FNIP1: variants seen among roughly 807,000 people sequenced by gnomAD.
The protein encoded by FNIP1 is folliculin-interacting protein 1.
In FNIP1, 40 loss-of-function variants were observed where a neutral mutation model predicts 124.5. The ratio of observed to expected loss-of-function variants is 0.32; its 90% CI spans 0.25 to 0.42. FNIP1 has a LOEUF of 0.42. FNIP1 is among the 10% of genes least tolerant of loss of function. The probability of loss-of-function intolerance (pLI) is 1.00; values close to 1 mark genes in which losing one functional copy is unlikely to be tolerated. For missense variants in FNIP1, 1,176 were observed against 1,403.7 expected, an observed-to-expected ratio of 0.84 and a Z score of 2.59; for synonymous variants, 472 against 470.6, an observed-to-expected ratio of 1.00 and a Z score of -0.04.
intron 2 of FNIP1, among the ~76,000 whole-genome samples, chr5:131,735,860 T>A (rs1208919692): frequency 6.6e-6 from 1 of 151,648 alleles, no homozygotes; most frequent in East Asian, 1.9e-4. Context: ...ATAATACATA[T>A]TATATATAAT....
intron 11 of FNIP1, among the ~76,000 whole-genome samples, chr5:131,697,941 C>T (rs1768759888): frequency 6.9e-6 from 1 of 144,998 alleles, no homozygotes; most frequent in Non-Finnish European, 1.5e-5. Context: ...TGCACTCCAG[C>T]CTGGGTGACA....
chr5:131,703,962 T>C (rs773832446), intron 10 of FNIP1, 103 bp downstream of exon 10: 2 of 986,402 alleles, frequency 2.0e-6, no homozygotes, highest in Non-Finnish European at 1.5e-6. Flanking sequence ...ATAGGACACA[T>C]GCACAACGTC....
intron 3 of FNIP1, among the ~76,000 whole-genome samples, chr5:131,729,376 C>T (rs979547568): frequency 6.6e-6 from 1 of 152,206 alleles, no homozygotes; most frequent in South Asian, 2.1e-4. Context: ...TTCAGAGATG[C>T]CCTGCCCAGA....
intron 13 of FNIP1, among the ~76,000 whole-genome samples, chr5:131,676,010 C>T (rs954119659): frequency 5.3e-5 from 8 of 151,904 alleles, no homozygotes; most frequent in Admixed American, 2.0e-4. Flanking sequence ...AGGCGCCTGC[C>T]ACCACGCCCA....
rs140502129 is a variant in FNIP1 at position 131,706,501 on chromosome 5, G to A, written c.824C>T (p.Ser275Phe). The change falls in exon 9 of 18, where the codon TCC becomes TTC. Residue 275 changes from serine to phenylalanine, a missense_variant. By Grantham distance (155) the Ser-to-Phe change is radical. Around this residue, in one of 2 missense-constraint regions of FNIP1, gnomAD observed 1,109 missense variants for 1,288.5 expected, o/e 0.86. Transcript: ENST00000510461. ...GCTGGCACAACTTCGGGTAAGTGAG[G>A]AGTTTGGGGAAGGAAATGGAGTGAT... ...LLITPFPSPN[S>F]SLTRSCASSY... The A allele has an allele frequency of 6.2e-6, 10 of 1,613,380 alleles. No individual in the cohort carries two copies. The highest frequency in any genetic ancestry group is 7.6e-6 in the Non-Finnish European group (9 of 1,179,612).
chr5:131,708,610 C>T (rs1448451027), intron 8 of FNIP1, among the ~76,000 whole-genome samples: 2 of 152,134 alleles, frequency 1.3e-5, no homozygotes, highest in African/African-American at 4.8e-5. Context: ...TTTGCGCAGG[C>T]CTATCACTAA....
intron 2 of FNIP1, among the ~76,000 whole-genome samples, chr5:131,731,441 A>C (rs1326778791): frequency 6.6e-6 from 1 of 152,084 alleles, no homozygotes; most frequent in Non-Finnish European, 1.5e-5. Context: ...ATCACTTGAC[A>C]CCAGGAGTTC....
intron 10 of FNIP1, among the ~76,000 whole-genome samples, chr5:131,703,823 G>A (rs750187352): frequency 9.9e-5 from 15 of 151,992 alleles, no homozygotes; most frequent in Non-Finnish European, 2.2e-4. Flanking sequence ...TTGGTAGAAC[G>A]GTGTCTACCA....
intron 1 of FNIP1, among the ~76,000 whole-genome samples, chr5:131,791,070 T>C (rs918860552): frequency 6.6e-6 from 1 of 152,216 alleles, no homozygotes; most frequent in Non-Finnish European, 1.5e-5. Context: ...CAATAGCTCA[T>C]GATAATCTTT....
At chr5:131,718,937 T>C (rs1769560093) in intron 5 of FNIP1, 49 bp downstream of exon 5, 1 of 1,497,376 alleles carries the variant, frequency 6.7e-7, no homozygotes, top group Non-Finnish European at 9.3e-7. Context: ...GTTTTCATAC[T>C]TTGCACATCT....
At chr5:131,676,431 G>A (rs1051541887) in intron 13 of FNIP1, among the ~76,000 whole-genome samples, 1 of 151,978 alleles carries the variant, frequency 6.6e-6, no homozygotes, top group Non-Finnish European at 1.5e-5. Context: ...TTACAGGCAT[G>A]AGCCACTGCA....
intron 2 of FNIP1, among the ~76,000 whole-genome samples, chr5:131,743,680 T>C (rs181137866): frequency 7.2e-5 from 11 of 152,300 alleles, no homozygotes; most frequent in African/African-American, 2.2e-4. Context: ...TCCTCATGAA[T>C]GGGGTTGGTG....
At chr5:131,726,001 G>A (rs916253144) in intron 3 of FNIP1, among the ~76,000 whole-genome samples, 1 of 152,156 alleles carries the variant, frequency 6.6e-6, no homozygotes, top group Non-Finnish European at 1.5e-5. Context: ...TACATTTATT[G>A]ATTTGCATAT....
At chr5:131,795,384 T>C (rs908956580) in intron 1 of FNIP1, among the ~76,000 whole-genome samples, 1 of 152,236 alleles carries the variant, frequency 6.6e-6, no homozygotes, top group Non-Finnish European at 1.5e-5. Context: ...AAAATGTTTT[T>C]TCATATGAGT....
At chr5:131,728,329 T>C (rs968626977) in intron 3 of FNIP1, among the ~76,000 whole-genome samples, 9 of 152,204 alleles carry the variant, frequency 5.9e-5, no homozygotes, top group Non-Finnish European at 1.3e-4. Flanking sequence ...AAACACAGGT[T>C]TGGTATTTTC....
rs763497005 is a variant in FNIP1 at position 131,642,448 on chromosome 5, G to C, written c.*2237C>G. ...TTAGCTTTAGGAACAACAATAGCATGAGCCACCCACTTATTGAGGACTAGA... is the reference window on the plus strand; with the variant it reads ...TTAGCTTTAGGAACAACAATAGCATCAGCCACCCACTTATTGAGGACTAGA... On this transcript the variant is annotated 3_prime_UTR_variant, in exon 18 of 18. Coordinates refer to ENST00000510461, the MANE Select transcript of FNIP1 (RefSeq NM_133372.3). 3 of 152,128 alleles carry C rather than the reference G, an allele frequency of 2.0e-5. No homozygotes were observed. The highest frequency in any genetic ancestry group is 4.4e-5 in the Non-Finnish European group (3 of 68,014). The allele number at this position is 152,128 out of a possible 1,614,324, so 9.4% of individuals were successfully genotyped here. A position where few individuals can be genotyped will look rare whatever the true frequency, so the allele number is the denominator to read the frequency against.
At chr5:131,670,421 A>G in intron 15 of FNIP1, 42 bp downstream of exon 15, 1 of 1,484,920 alleles carries the variant, frequency 6.7e-7, no homozygotes, top group Admixed American at 2.4e-5. Context: ...TGCTTAACAG[A>G]GTTTCTTCTA....
chr5:131,697,933 C>A (rs1187431701), intron 11 of FNIP1, among the ~76,000 whole-genome samples: 3 of 141,536 alleles, frequency 2.1e-5, no homozygotes. Flanking sequence ...CACGCCACTG[C>A]ACTCCAGCCT....
At chr5:131,790,936 A>C (rs923864544) in intron 1 of FNIP1, among the ~76,000 whole-genome samples, 82 of 152,214 alleles carry the variant, frequency 5.4e-4, no homozygotes, top group African/African-American at 2.0e-3. Flanking sequence ...AGGCCAGAAG[A>C]AAGCAAGAAG....
Sources: allele counts gnomAD v4.1 joint callset (sites outside exome capture counted in the v4.1 genomes callset), GRCh38; gene constraint gnomAD v4.1.1; regional missense constraint gnomAD v4.1.1; transcripts MANE v1.5; gene names NCBI Gene and HGNC (gene_info 2026-07-23, HGNC 2026-07-21).